Variants in DHRS12 observed in about 807,000 individuals in gnomAD.
DHRS12 encodes dehydrogenase/reductase SDR family member 12.
Under a neutral mutation model 32.1 loss-of-function variants are expected in DHRS12, and 29 were observed. The observed-to-expected ratio is 0.90, with a 90% confidence interval of 0.67 to 1.23. The LOEUF (loss-of-function observed/expected upper bound fraction) is 1.23. Among genes scored for constraint, DHRS12 ranks in the 50% most tolerant of loss-of-function variants. DHRS12 has a pLI of 0.00. For missense variants in DHRS12, 330 were observed against 337.2 expected (o/e 0.98, Z 0.17); for synonymous variants, 150 against 135.9 (o/e 1.10, Z -0.72).
intron 7 of DHRS12, among the ~76,000 whole-genome samples, chr13:51,769,568 G>A (rs780310342): frequency 2.0e-5 from 3 of 152,084 alleles, no homozygotes; most frequent in Non-Finnish European, 4.4e-5. Flanking sequence ...AGCCCTGAGA[G>A]CAGAGTCGCC....
Position 51,768,231 on chromosome 13 carries a change from TCTC to T in DHRS12, c.760_762del (p.Glu254del), listed in dbSNP as rs2138859199. On this transcript the variant is annotated inframe_deletion, in exon 9 of 9. Coordinates refer to ENST00000444610, the MANE Select transcript of DHRS12 (RefSeq NM_001377533.1). ...AGCTGTTCCAGGATTTCAATGAGTT[TCTC>T]CTCTTCGGCCGGTGAGGAGGACGCT... 1 of 1,536,120 alleles carries T rather than the reference TCTC, an allele frequency of 6.5e-7. No homozygotes were observed. The highest frequency in any genetic ancestry group is 8.7e-7 in the Non-Finnish European group (1 of 1,146,912).
At chr13:51,778,311 G>A (rs1954543781) in intron 4 of DHRS12, among the ~76,000 whole-genome samples, 1 of 152,226 alleles carries the variant, frequency 6.6e-6, no homozygotes, top group Admixed American at 6.5e-5. Context: ...TCCTGCTCTT[G>A]CTGTATTATC....
At chr13:51,788,744 T>C (rs1354225846) in intron 4 of DHRS12, among the ~76,000 whole-genome samples, 2 of 152,006 alleles carry the variant, frequency 1.3e-5, no homozygotes, top group African/African-American at 4.8e-5. Flanking sequence ...GCCGTAGTCC[T>C]AGCTACTTGG....
chr13:51,768,549 G>C, intron 8 of DHRS12: 1 of 1,357,606 alleles, frequency 7.4e-7, no homozygotes, highest in Non-Finnish European at 9.5e-7. Flanking sequence ...TCAGCAGGAA[G>C]GGGTGCGGCC....
At chr13:51,766,201 CTTTG>C (rs1466729483), downstream of DHRS12, 3 of 152,098 alleles carry the variant, frequency 2.0e-5, no homozygotes, top group African/African-American at 7.2e-5. Flanking sequence ...TTTTAAATGA[CTTTG>C]TTTTTCAAGG....
At chr13:51,787,800 A>ATAATG (rs1955037123) in intron 4 of DHRS12, among the ~76,000 whole-genome samples, 1 of 102,160 alleles carries the variant, frequency 9.8e-6, no homozygotes, top group East Asian at 2.9e-4. Flanking sequence ...ATATTAATAT[A>ATAATG]TATTTATATA....
intron 8 of DHRS12, chr13:51,768,795 G>T: frequency 1.6e-6 from 2 of 1,225,112 alleles, no homozygotes; most frequent in East Asian, 4.6e-5. Context: ...TACACCCTTT[G>T]CACTGCAGAG....
chr13:51,781,554 C>T (rs1296540183), intron 4 of DHRS12, among the ~76,000 whole-genome samples: 3 of 151,942 alleles, frequency 2.0e-5, no homozygotes, highest in South Asian at 2.1e-4. Flanking sequence ...GGTGGGACGG[C>T]GGGGGAGGTG....
At chr13:51,795,754 T>C (rs571792365) in intron 2 of DHRS12, among the ~76,000 whole-genome samples, 26 of 152,252 alleles carry the variant, frequency 1.7e-4, no homozygotes, top group African/African-American at 5.8e-4. Context: ...AATATCTCAA[T>C]TCCCCCCTTC....
chr13:51,792,461 A>T (rs1955321658), intron 2 of DHRS12, among the ~76,000 whole-genome samples: 1 of 152,026 alleles, frequency 6.6e-6, no homozygotes, highest in Admixed American at 6.6e-5. Context: ...GTGCAGTGGC[A>T]TGATTTTGGC....
the DHRS12 span, chr13:51,755,506 C>G: frequency 6.4e-7 from 1 of 1,566,624 alleles, no homozygotes; most frequent in Non-Finnish European, 8.8e-7. Context: ...ATGGAAATAG[C>G]TCAACCATGT....
chr13:51,771,075 T>C, intron 7 of DHRS12: 1 of 1,446,158 alleles, frequency 6.9e-7, no homozygotes, highest in South Asian at 1.5e-5. Flanking sequence ...GGTCTTAGCC[T>C]CTCTGGGCCT....
the DHRS12 span, chr13:51,762,334 C>G: frequency 1.3e-5 from 2 of 152,270 alleles, no homozygotes; most frequent in African/African-American, 4.8e-5. Context: ...TGACCTTGCA[C>G]GCCACTCTAC....
intron 4 of DHRS12, among the ~76,000 whole-genome samples, chr13:51,785,394 T>C (rs759891447): frequency 5.3e-5 from 8 of 152,250 alleles, no homozygotes; most frequent in Admixed American, 1.3e-4. Flanking sequence ...ATTCATTCTC[T>C]CCTCGCCACC....
the DHRS12 span, among the ~76,000 whole-genome samples, chr13:51,757,416 A>G: frequency 6.6e-5 from 10 of 152,066 alleles, no homozygotes; most frequent in Non-Finnish European, 1.3e-4. Flanking sequence ...CCATTTTAAG[A>G]TACTGAAGAT....
the DHRS12 span, chr13:51,759,811 A>G: frequency 2.5e-6 from 4 of 1,607,574 alleles, no homozygotes; most frequent in Admixed American, 6.7e-5. Context: ...TACTAAAGAA[A>G]CGGTTGTTTT....
rs1369519290 is a variant in DHRS12 at position 51,786,326 on chromosome 13, AG to A, written c.301+3684del. Among the ~76,000 whole-genome samples, 42 of 152,334 alleles carry A rather than the reference AG, an allele frequency of 2.8e-4. No individual in the cohort carries two copies. In the East Asian group the frequency reaches 5.8e-3, roughly 21 times the overall value. On this transcript the variant is annotated intron_variant, in intron 4 of 8. Coordinates refer to ENST00000444610, the MANE Select transcript of DHRS12 (RefSeq NM_001377533.1). The stretch of plus-strand genomic sequence containing the variant: ...GTGAGAGTTTTAATCTGCTAACGCT[AG>A]GCTGTGGCAGGCTGCCAGCAGGGCA...
At chr13:51,755,402 G>C in the DHRS12 span, 2 of 1,614,190 alleles carry the variant, frequency 1.2e-6, no homozygotes, top group East Asian at 2.2e-5. Flanking sequence ...AGTGTGATCA[G>C]CCTTTCTTCT....
chr13:51,755,362 CT>C, the DHRS12 span: 1 of 1,614,134 alleles, frequency 6.2e-7, no homozygotes, highest in Non-Finnish European at 8.5e-7. Flanking sequence ...GACAAGACCC[CT>C]GAATGGTTGG....
Sources: gnomAD v4.1 joint callset for allele counts (sites outside exome capture counted in the v4.1 genomes callset) on GRCh38, gnomAD v4.1.1 for gene constraint, MANE v1.5 for transcripts, NCBI Gene and HGNC (gene_info 2026-07-23, HGNC 2026-07-21) for gene names.